CACNA2D3: variants seen among roughly 807,000 people sequenced by gnomAD.
The protein encoded by CACNA2D3 is voltage-dependent calcium channel subunit alpha-2/delta-3.
CACNA2D3 carries 60 observed loss-of-function variants against 160.6 expected under a neutral mutation model. That is an observed-to-expected ratio of 0.37 (90% CI 0.30 to 0.46). The LOEUF is 0.46. Ranked by LOEUF, CACNA2D3 falls within the 20% of genes least tolerant of loss-of-function variation. CACNA2D3 has a pLI of 1.00. For missense variants in CACNA2D3, 1,205 were observed against 1,365.0 expected, an observed-to-expected ratio of 0.88 and a Z score of 1.85; for synonymous variants, 558 against 492.9, an observed-to-expected ratio of 1.13 and a Z score of -1.75.
At chr3:54,589,916 G>A (rs1176347508) in intron 9 of CACNA2D3, among the ~76,000 whole-genome samples, 1 of 152,184 alleles carries the variant, frequency 6.6e-6, no homozygotes, top group Non-Finnish European at 1.5e-5. Context: ...AAATATTGGG[G>A]AGGATGTGGA....
At chr3:54,446,590 TG>T (rs1700225432) in intron 4 of CACNA2D3, among the ~76,000 whole-genome samples, 1 of 152,224 alleles carries the variant, frequency 6.6e-6, no homozygotes, top group African/African-American at 2.4e-5. Context: ...TTGCTTTTTT[TG>T]TGTCCTTTTT....
intron 10 of CACNA2D3, among the ~76,000 whole-genome samples, chr3:54,629,672 A>G (rs1032071998): frequency 1.3e-5 from 2 of 152,222 alleles, no homozygotes; most frequent in African/African-American, 4.8e-5. Context: ...CGGCGAGGAC[A>G]GAGGACTAGG....
At chr3:54,917,452 C>T (rs1173905665) in intron 27 of CACNA2D3, among the ~76,000 whole-genome samples, 1 of 152,214 alleles carries the variant, frequency 6.6e-6, no homozygotes, top group African/African-American at 2.4e-5. Context: ...GGGGAGTAGA[C>T]AATCTGGGTG....
chr3:54,912,070 A>C (rs1700567186), intron 27 of CACNA2D3, among the ~76,000 whole-genome samples: 1 of 152,180 alleles, frequency 6.6e-6, no homozygotes, highest in South Asian at 2.1e-4. Flanking sequence ...ACCGTCACTC[A>C]TGAGATCATT....
intron 12 of CACNA2D3, among the ~76,000 whole-genome samples, chr3:54,760,845 G>A (rs1031578152): frequency 2.0e-5 from 3 of 152,170 alleles, no homozygotes; most frequent in Non-Finnish European, 4.4e-5. Context: ...GAGAGGAATG[G>A]ATTTGGGAAG....
chr3:54,752,732 T>C, intron 12 of CACNA2D3, 55 bp downstream of exon 12: 1 of 1,251,732 alleles, frequency 8.0e-7, no homozygotes, highest in South Asian at 1.3e-5. Context: ...TTGTGCAGAA[T>C]TAGGAATATT....
Position 54,478,753 on chromosome 3 carries a change from G to A in CACNA2D3, c.382-24739G>A, listed in dbSNP as rs565959248. 2.3e-4 allele frequency among the ~76,000 whole-genome samples: 27 copies of A among 117,194 alleles called. No homozygotes were observed. The South Asian group carries it at 8.2e-3, about 36-fold the overall frequency. 76.9% of individuals were successfully genotyped at this position (117,194 alleles called of 152,430 possible). ...TCTTCCCTTTGTCAGGTGTATCCAC[G>A]CTGTCTACACTACTCACCCATTAGT... is the stretch of plus-strand genomic sequence containing the variant. On this transcript the variant is annotated intron_variant, in intron 4 of 37. Transcript: ENST00000474759.
chr3:54,149,749 C>T (rs1029962244), intron 2 of CACNA2D3, among the ~76,000 whole-genome samples: 16 of 152,190 alleles, frequency 1.1e-4, no homozygotes, highest in African/African-American at 3.4e-4. Context: ...TTTGGGTACC[C>T]ACAGCAGTGT....
chr3:54,965,076 A>G (rs140133679), intron 27 of CACNA2D3, among the ~76,000 whole-genome samples: 23 of 152,336 alleles, frequency 1.5e-4, no homozygotes, highest in African/African-American at 2.6e-4. Context: ...TAAAGGACCA[A>G]TAGTAAATAA....
intron 4 of CACNA2D3, among the ~76,000 whole-genome samples, chr3:54,452,421 G>A (rs979928803): frequency 6.6e-6 from 1 of 152,176 alleles, no homozygotes; most frequent in Non-Finnish European, 1.5e-5. Flanking sequence ...GATTTAGGTG[G>A]GGACACAGCC....
intron 14 of CACNA2D3, among the ~76,000 whole-genome samples, chr3:54,820,414 A>G (rs1559594398): frequency 6.6e-6 from 1 of 152,164 alleles, no homozygotes; most frequent in Admixed American, 6.5e-5. Flanking sequence ...CTTTATGACA[A>G]TGTTTTAGAA....
At chr3:54,387,849 A>G (rs565548552) in intron 4 of CACNA2D3, among the ~76,000 whole-genome samples, 1 of 152,330 alleles carries the variant, frequency 6.6e-6, no homozygotes, top group East Asian at 1.9e-4. Context: ...CAATTTGGAA[A>G]TAGTGTTGAC....
At chr3:54,787,067 A>G (rs1168046212) in intron 13 of CACNA2D3, among the ~76,000 whole-genome samples, 1 of 152,204 alleles carries the variant, frequency 6.6e-6, no homozygotes. Flanking sequence ...TACCATTCCC[A>G]CATGTTTCAG....
intron 13 of CACNA2D3, among the ~76,000 whole-genome samples, chr3:54,769,199 T>C (rs1361123814): frequency 6.6e-6 from 1 of 152,108 alleles, no homozygotes; most frequent in Non-Finnish European, 1.5e-5. Context: ...TTACCAACTT[T>C]GGAACCACCC....
chr3:54,679,336 A>G (rs1339448937), intron 11 of CACNA2D3, among the ~76,000 whole-genome samples: 2 of 152,172 alleles, frequency 1.3e-5, no homozygotes, highest in Non-Finnish European at 2.9e-5. Flanking sequence ...GTCTCTTCCC[A>G]AGTCTACTCA....
chr3:54,643,809 C>A (rs1699577274), intron 11 of CACNA2D3, among the ~76,000 whole-genome samples: 1 of 152,172 alleles, frequency 6.6e-6, no homozygotes, highest in Admixed American at 6.5e-5. Flanking sequence ...GGCTGAGTGA[C>A]TGAGGGTGCT....
chr3:54,614,869 C>T (rs554455753), intron 9 of CACNA2D3, among the ~76,000 whole-genome samples: 2 of 152,180 alleles, frequency 1.3e-5, no homozygotes, highest in African/African-American at 2.4e-5. Flanking sequence ...CAAAAAAACA[C>T]ACAAAAATCA....
intron 11 of CACNA2D3, among the ~76,000 whole-genome samples, chr3:54,666,289 A>G (rs1177396590): frequency 6.6e-6 from 1 of 152,240 alleles, no homozygotes; most frequent in Non-Finnish European, 1.5e-5. Context: ...AAAGATAGTC[A>G]TATTCTAACA....
In CACNA2D3 at chr3:54,569,819, A is replaced by G. The variant is rs774768835; in HGVS notation, c.701A>G (p.Asn234Ser). The change falls in exon 7 of 38, where the codon AAT becomes AGT. Residue 234 changes from asparagine to serine, a missense_variant. By Grantham distance (46) the Asn-to-Ser change is conservative. Around this residue, in one of 3 missense-constraint regions of CACNA2D3, gnomAD observed 131 missense variants for 201.5 expected, o/e 0.65. Coordinates refer to ENST00000474759, the MANE Select transcript of CACNA2D3 (RefSeq NM_018398.3). Reference protein sequence around the residue: ...YPGIKWEPDENGVIAFDCRNR... With the variant: ...YPGIKWEPDESGVIAFDCRNR... ...GGGATTAAATGGGAACCAGATGAGA[A>G]TGGAGTCATTGCCTTCGACTGCAGG... The G allele has an allele frequency of 1.9e-6, 3 of 1,605,500 alleles. No homozygotes were observed. The Admixed American group carries it at 5.1e-5, about 27-fold the overall frequency.
Sources: gnomAD v4.1 joint callset for allele counts (sites outside exome capture counted in the v4.1 genomes callset) on GRCh38, gnomAD v4.1.1 for gene constraint, gnomAD v4.1.1 regional missense constraint, MANE v1.5 for transcripts, NCBI Gene and HGNC (gene_info 2026-07-23, HGNC 2026-07-21) for gene names.